The following LGALS8 variants were observed in gnomAD, a reference collection of about 807,000 sequenced individuals.
LGALS8 encodes galectin 8, also known as galectin-8.
A neutral mutation model predicts 35.9 loss-of-function variants in LGALS8; 30 were observed. The ratio of observed to expected loss-of-function variants is 0.83; its 90% CI spans 0.62 to 1.13. LGALS8 has a LOEUF of 1.13. Among genes scored for constraint, LGALS8 ranks in the 50% most tolerant of loss-of-function variants. The pLI, the probability that LGALS8 is intolerant of heterozygous loss-of-function variation, is 0.00. For missense variants in LGALS8, 366 were observed against 388.7 expected (o/e 0.94, Z 0.49); for synonymous variants, 138 against 136.1 (o/e 1.01, Z -0.10).
intron 4 of LGALS8, chr1:236,539,300 T>C: frequency 1.8e-6 from 1 of 570,378 alleles, no homozygotes; most frequent in East Asian, 3.0e-5. Context: ...CATGCAGAAA[T>C]ATGGTCCACT....
intron 2 of LGALS8, among the ~76,000 whole-genome samples, chr1:236,534,102 T>A (rs1661317786): frequency 6.6e-6 from 1 of 152,242 alleles, no homozygotes; most frequent in Non-Finnish European, 1.5e-5. Context: ...ACTTAAAAGC[T>A]GAGCTGGAAG....
rs543643713 is a variant in LGALS8 at position 236,551,044 on chromosome 1, C to T, written c.*2883C>T. 164 of 1,359,984 alleles carry T rather than the reference C, an allele frequency of 1.2e-4. No individual in the cohort carries two copies. Among genetic ancestry groups the T allele is most frequent in the East Asian group, 4.1e-4 (17 of 41,586 alleles). 84.2% of individuals were successfully genotyped at this position (1,359,984 alleles called of 1,614,324 possible). On this transcript the variant is annotated 3_prime_UTR_variant, in exon 10 of 10. Coordinates refer to ENST00000366584, the MANE Select transcript of LGALS8 (RefSeq NM_201544.4). ...AAAATCTGAGTCAGTCCGCCTGCCT[C>T]GGTTCTCATTAGTTTAATTCTTAAT...
rs1042291346 is a variant in LGALS8, at chr1:236,551,272, C to T, written c.*3111C>T. 1 of 406,292 alleles carries T rather than the reference C, an allele frequency of 2.5e-6. No homozygotes were observed. Among genetic ancestry groups the T allele is most frequent in the Non-Finnish European group, 4.4e-6 (1 of 227,558 alleles). 25.2% of individuals were successfully genotyped at this position (406,292 alleles called of 1,614,324 possible). A position where few individuals can be genotyped will look rare whatever the true frequency, so the allele number is the denominator to read the frequency against. Reference sequence around the variant, plus strand: ...ACCCCTTTAGTAGCTCACACCTCCCCCCTCCAAGAGCTAAGAAACAAAGGA... The same window carrying T: ...ACCCCTTTAGTAGCTCACACCTCCCTCCTCCAAGAGCTAAGAAACAAAGGA... On this transcript the variant is annotated 3_prime_UTR_variant, in exon 10 of 10. Coordinates refer to ENST00000366584, the MANE Select transcript of LGALS8 (RefSeq NM_201544.4).
chr1:236,537,934 T>TTA (rs146620270), intron 3 of LGALS8, among the ~76,000 whole-genome samples: 71,544 of 126,596 alleles, frequency 0.57, 20,370 homozygotes, highest in Non-Finnish European at 0.66. Flanking sequence ...CCCCCATCTG[T>TTA]AAAAAAAAAA....
Position 236,548,167 on chromosome 1 carries a change from C to CT in LGALS8, c.*7dup. ...TGGAAGTAAGGAGCTGGTAGCCTAC[C>CT]TACACAGCTGCTACAAAAACCAAAA... On this transcript the variant is annotated 3_prime_UTR_variant, in exon 10 of 10. Transcript: ENST00000366584. 1 of 1,610,678 alleles carries CT rather than the reference C, an allele frequency of 6.2e-7. No individual in the cohort carries two copies. Among genetic ancestry groups the CT allele is most frequent in the South Asian group, 1.1e-5 (1 of 90,350 alleles).
chr1:236,544,721 G>GTTT, intron 8 of LGALS8, 29 bp from the exon 9 acceptor site: 1 of 1,459,210 alleles, frequency 6.9e-7, no homozygotes, highest in East Asian at 2.4e-5. Flanking sequence ...GGTTAATTAA[G>GTTT]GTTTTTTTTT....
chr1:236,537,108 C>G (rs1004085357), intron 2 of LGALS8, among the ~76,000 whole-genome samples: 3 of 150,378 alleles, frequency 2.0e-5, no homozygotes, highest in Non-Finnish European at 4.4e-5. Flanking sequence ...GCTCCGCCTC[C>G]CAGGTTCGTG....
chr1:236,537,043 G>A (rs1426004815), intron 2 of LGALS8, among the ~76,000 whole-genome samples: 3 of 38,142 alleles, frequency 7.9e-5, no homozygotes, highest in Admixed American at 4.2e-4. Context: ...TTGAGACGGA[G>A]CCTTGCTCTG....
Position 236,550,753 on chromosome 1 carries a change from G to A in LGALS8, c.*2592G>A. The A allele has an allele frequency of 1.7e-6, 1 of 601,896 alleles. No individual in the cohort carries two copies. Among genetic ancestry groups the A allele is most frequent in the Non-Finnish European group, 2.9e-6 (1 of 350,212 alleles). The allele number at this position is 601,896 out of a possible 1,614,324, so 37.3% of individuals were successfully genotyped here. ...TTATGTGGCAGCACAAGCCAGGTGG[G>A]GATTTTGTAAAGAAGTGATAAAACA... On this transcript the variant is annotated 3_prime_UTR_variant, in exon 10 of 10. Transcript: ENST00000366584.
At chr1:236,533,970 C>CTGACCCCGGATGTAGCTGCCTT (rs796705809) in intron 2 of LGALS8, among the ~76,000 whole-genome samples, 2,233 of 152,190 alleles carry the variant, frequency 0.015, 52 homozygotes, top group African/African-American at 0.052. Context: ...ATAGCTGCCC[C>CTGACCCCGGATGTAGCTGCCTT]TGACCCCGGA....
Position 236,542,787 on chromosome 1 carries a change from TGTGA to T in LGALS8, c.549+3_549+6del. ...TTCCAAAGTCTGGCACGCCCCAGCTTGTGAGTATTTTTGCCTGGGTTATTTCATG... is the reference window on the plus strand; with the variant it reads ...TTCCAAAGTCTGGCACGCCCCAGCTTGTATTTTTGCCTGGGTTATTTCATG... On this transcript the variant is annotated splice_donor_variant and splice_donor_region_variant and intron_variant, in intron 7 of 9. Coordinates refer to ENST00000366584, the MANE Select transcript of LGALS8 (RefSeq NM_201544.4). LOFTEE classifies it high-confidence loss of function. 2.5e-6 allele frequency: 4 copies of T among 1,614,246 alleles called. No individual in the cohort carries two copies. The highest frequency in any genetic ancestry group is 3.4e-6 in the Non-Finnish European group (4 of 1,180,040).
upstream of LGALS8, among the ~76,000 whole-genome samples, chr1:236,521,750 C>T (rs1660555827): frequency 6.6e-6 from 1 of 151,450 alleles, no homozygotes; most frequent in South Asian, 2.1e-4. Context: ...ATCACTTGAA[C>T]ACGGTAGGCA....
At chr1:236,529,303 C>T (rs563937873) in intron 2 of LGALS8, among the ~76,000 whole-genome samples, 2 of 149,248 alleles carry the variant, frequency 1.3e-5, no homozygotes, top group Admixed American at 6.7e-5. Flanking sequence ...AGTCAGAGTC[C>T]GGGTGCTGCG....
chr1:236,528,187 C>T (rs922539732), intron 2 of LGALS8, among the ~76,000 whole-genome samples: 1 of 152,064 alleles, frequency 6.6e-6, no homozygotes, highest in Non-Finnish European at 1.5e-5. Context: ...TCAAGACCAG[C>T]CTGGCCAAGA....
chr1:236,552,316 G>A lies in LGALS8; in HGVS notation c.*4155G>A, dbSNP rs1439982174. On this transcript the variant is annotated 3_prime_UTR_variant, in exon 10 of 10. Coordinates refer to ENST00000366584, the MANE Select transcript of LGALS8 (RefSeq NM_201544.4). ...TAATATGTGCAACCTTATAAATAGTGTTTTCCAAACTGTGTCCCAGGACTG... is the reference window on the plus strand; with the variant it reads ...TAATATGTGCAACCTTATAAATAGTATTTTCCAAACTGTGTCCCAGGACTG... 5.4e-6 allele frequency: 2 copies of A among 368,802 alleles called. No homozygotes were observed. The highest frequency in any genetic ancestry group is 4.2e-5 in the East Asian group (1 of 23,566). 22.8% of individuals were successfully genotyped at this position (368,802 alleles called of 1,614,324 possible).
At chr1:236,538,581 C>T (rs1023955379) in intron 3 of LGALS8, among the ~76,000 whole-genome samples, 5 of 152,230 alleles carry the variant, frequency 3.3e-5, no homozygotes, top group African/African-American at 1.2e-4. Flanking sequence ...TCCCTGAGCA[C>T]TTCACTTCCA....
chr1:236,544,705 C>A, intron 8 of LGALS8, 45 bp from the exon 9 acceptor site: 1 of 1,502,160 alleles, frequency 6.7e-7, no homozygotes, highest in South Asian at 1.3e-5. Flanking sequence ...CTACTCTGTC[C>A]TACTTGGTTA....
Position 236,550,404 on chromosome 1 carries a change from G to A in LGALS8, c.*2243G>A, listed in dbSNP as rs1662673981. The A allele has an allele frequency of 6.6e-6, 1 of 152,360 alleles. No individual in the cohort carries two copies. Among genetic ancestry groups the A allele is most frequent in the South Asian group, 2.1e-4 (1 of 4,844 alleles). 9.4% of individuals were successfully genotyped at this position (152,360 alleles called of 1,614,324 possible). On this transcript the variant is annotated 3_prime_UTR_variant, in exon 10 of 10. Coordinates refer to ENST00000366584, the MANE Select transcript of LGALS8 (RefSeq NM_201544.4). ...GCACAACAAAGAAACGAAGGCTGAA[G>A]TTCGCCTACCCAAAATGAAAAGTAG...
intron 7 of LGALS8, 108 bp downstream of exon 7, chr1:236,542,895 G>A: frequency 5.0e-6 from 8 of 1,614,088 alleles, no homozygotes; most frequent in Non-Finnish European, 6.8e-6. Flanking sequence ...ATTCCTTACT[G>A]TAGAACTGTT....
Sources: gnomAD v4.1 joint callset for allele counts (sites outside exome capture counted in the v4.1 genomes callset) on GRCh38, gnomAD v4.1.1 for gene constraint, MANE v1.5 for transcripts, NCBI Gene and HGNC (gene_info 2026-07-23, HGNC 2026-07-21) for gene names.